CACNA2D3: variants seen among roughly 807,000 people sequenced by gnomAD.
The protein encoded by CACNA2D3 is voltage-dependent calcium channel subunit alpha-2/delta-3.
Under a neutral mutation model 160.6 loss-of-function variants are expected in CACNA2D3, and 60 were observed. The ratio of observed to expected loss-of-function variants is 0.37; its 90% CI spans 0.30 to 0.46. The LOEUF (loss-of-function observed/expected upper bound fraction) is 0.46. CACNA2D3 is among the 20% of genes least tolerant of loss of function. The pLI, the probability that CACNA2D3 is intolerant of heterozygous loss-of-function variation, is 1.00. For missense variants in CACNA2D3, 1,205 were observed against 1,365.0 expected (o/e 0.88, Z 1.85); for synonymous variants, 558 against 492.9 (o/e 1.13, Z -1.75).
chr3:54,955,672 A>G (rs911988290), intron 27 of CACNA2D3, among the ~76,000 whole-genome samples: 1 of 152,132 alleles, frequency 6.6e-6, no homozygotes, highest in Non-Finnish European at 1.5e-5. Flanking sequence ...AAATGTGTAA[A>G]TTGAGGGACA....
rs1035391740 is a variant in CACNA2D3, at chr3:54,871,221, A to C, written c.1627-318A>C. ...CACACACACACACACACACACACAC[A>C]CACCCCCCATTCAAGGAGGGGACAG... is the stretch of plus-strand genomic sequence containing the variant. On this transcript the variant is annotated intron_variant, in intron 17 of 37. Transcript: ENST00000474759. Among the ~76,000 whole-genome samples the C allele has an allele frequency of 3.0e-3, 429 of 140,906 alleles. 4 individuals are homozygous for C. Among genetic ancestry groups the C allele is most frequent in the East Asian group, 0.011 (53 of 4,952 alleles). The allele number at this position is 140,906 out of a possible 152,430, so 92.4% of individuals were successfully genotyped here. A position where few individuals can be genotyped will look rare whatever the true frequency, so the allele number is the denominator to read the frequency against.
intron 29 of CACNA2D3, among the ~76,000 whole-genome samples, chr3:54,980,763 A>C (rs1702489355): frequency 6.6e-6 from 1 of 152,220 alleles, no homozygotes; most frequent in African/African-American, 2.4e-5. Flanking sequence ...ACAATTTTCA[A>C]AAATCAAAGA....
At chr3:54,863,283 C>T (rs979586330) in intron 17 of CACNA2D3, among the ~76,000 whole-genome samples, 2 of 152,104 alleles carry the variant, frequency 1.3e-5, no homozygotes, top group African/African-American at 4.8e-5. Flanking sequence ...AGCAGATGCC[C>T]CTGGGTGCCC....
chr3:55,055,808 T>C (rs1400461470), intron 35 of CACNA2D3, among the ~76,000 whole-genome samples: 2 of 152,142 alleles, frequency 1.3e-5, no homozygotes, highest in Non-Finnish European at 2.9e-5. Flanking sequence ...CTATTATAAA[T>C]GGGATTGTCC....
At chr3:54,190,584 TC>T (rs1700960479) in intron 2 of CACNA2D3, among the ~76,000 whole-genome samples, 2 of 152,220 alleles carry the variant, frequency 1.3e-5, no homozygotes, top group Non-Finnish European at 2.9e-5. Context: ...AGAGTTTCTG[TC>T]TATAGAGACC....
At chr3:54,377,877 A>C (rs1217680640) in intron 3 of CACNA2D3, among the ~76,000 whole-genome samples, 1 of 152,238 alleles carries the variant, frequency 6.6e-6, no homozygotes, top group Non-Finnish European at 1.5e-5. Context: ...GAAAAGTGAT[A>C]CAACCAGGAA....
At chr3:54,535,261 T>C (rs1701871160) in intron 5 of CACNA2D3, among the ~76,000 whole-genome samples, 1 of 152,204 alleles carries the variant, frequency 6.6e-6, no homozygotes, top group Non-Finnish European at 1.5e-5. Flanking sequence ...AGCAATCTTG[T>C]TTTTTTACAA....
At chr3:54,470,566 T>A (rs940026771) in intron 4 of CACNA2D3, among the ~76,000 whole-genome samples, 2 of 152,146 alleles carry the variant, frequency 1.3e-5, no homozygotes, top group Non-Finnish European at 2.9e-5. Context: ...AATGAAAGGA[T>A]CAAATTCCTA....
intron 2 of CACNA2D3, among the ~76,000 whole-genome samples, chr3:54,283,563 CTG>C (rs1189287774): frequency 1.3e-5 from 2 of 152,202 alleles, no homozygotes; most frequent in African/African-American, 4.8e-5. Context: ...GAGGCTTACT[CTG>C]TGTTTCTGGC....
intron 4 of CACNA2D3, among the ~76,000 whole-genome samples, chr3:54,460,748 C>G (rs1287784566): frequency 6.6e-6 from 1 of 152,236 alleles, no homozygotes; most frequent in African/African-American, 2.4e-5. Flanking sequence ...TCCTGTTTTC[C>G]TAATTGAATA....
At chr3:54,953,473 G>A (rs7639803) in intron 27 of CACNA2D3, among the ~76,000 whole-genome samples, 90,398 of 152,008 alleles carry the variant, frequency 0.59, 27,336 homozygotes, top group East Asian at 0.84. Flanking sequence ...ATCATGGGAC[G>A]CAGCTGAAGC....
At chr3:54,590,322 A>T (rs1291298164) in intron 9 of CACNA2D3, among the ~76,000 whole-genome samples, 1 of 152,226 alleles carries the variant, frequency 6.6e-6, no homozygotes, top group African/African-American at 2.4e-5. Flanking sequence ...AAAAAAGCCA[A>T]TATCAAAAGA....
chr3:54,830,804 C>G (rs1388440152), intron 14 of CACNA2D3, among the ~76,000 whole-genome samples: 1 of 151,990 alleles, frequency 6.6e-6, no homozygotes, highest in Non-Finnish European at 1.5e-5. Flanking sequence ...TTGTAAGGCC[C>G]ATACTCTGGA....
chr3:54,287,441 C>A (rs61100524), intron 2 of CACNA2D3, among the ~76,000 whole-genome samples: 2,074 of 151,138 alleles, frequency 0.014, 38 homozygotes, highest in East Asian at 0.062. Flanking sequence ...CCTGAGTGAC[C>A]TACAAAGAGA....
chr3:54,805,616 CA>C (rs1703101073), intron 13 of CACNA2D3, among the ~76,000 whole-genome samples: 1 of 152,130 alleles, frequency 6.6e-6, no homozygotes, highest in South Asian at 2.1e-4. Context: ...CGAATTCTAC[CA>C]GAGGTACAAA....
chr3:54,599,795 T>C (rs1030893112), intron 9 of CACNA2D3, among the ~76,000 whole-genome samples: 3 of 152,190 alleles, frequency 2.0e-5, no homozygotes, highest in African/African-American at 7.2e-5. Flanking sequence ...CTGAAGCTTT[T>C]AGTGCCGCGT....
At chr3:55,036,545 G>A (rs1471271781) in intron 35 of CACNA2D3, among the ~76,000 whole-genome samples, 3 of 151,784 alleles carry the variant, frequency 2.0e-5, no homozygotes, top group Non-Finnish European at 2.9e-5. Flanking sequence ...TTGGCTCACT[G>A]CAACCTCCAC....
chr3:54,384,016 A>G (rs890547062), intron 3 of CACNA2D3, among the ~76,000 whole-genome samples: 1 of 152,216 alleles, frequency 6.6e-6, no homozygotes, highest in African/African-American at 2.4e-5. Flanking sequence ...TATATGAAAT[A>G]CATTTCATGG....
intron 4 of CACNA2D3, among the ~76,000 whole-genome samples, 160 bp downstream of exon 4, chr3:54,386,934 G>A (rs941834115): frequency 6.6e-6 from 1 of 152,102 alleles, no homozygotes; most frequent in Non-Finnish European, 1.5e-5. Flanking sequence ...TAAGCAATCC[G>A]CAACCACCTT....
Sources: allele counts gnomAD v4.1 joint callset (sites outside exome capture counted in the v4.1 genomes callset), GRCh38; gene constraint gnomAD v4.1.1; transcripts MANE v1.5; gene names NCBI Gene and HGNC (gene_info 2026-07-23, HGNC 2026-07-21).